Variants in CENPE observed in about 807,000 individuals in gnomAD.
CENPE encodes centromere-associated protein E.
CENPE carries 145 observed loss-of-function variants against 336.1 expected under a neutral mutation model. The observed-to-expected ratio is 0.43, with a 90% CI of 0.38 to 0.50. CENPE has a LOEUF of 0.50. CENPE is among the 20% of genes least tolerant of loss of function. The pLI is 0.00. For synonymous variants in CENPE, 1,013 were observed against 984.8 expected (o/e 1.03, Z -0.54); for missense variants, 2,719 against 3,023.3 (o/e 0.90, Z 2.36).
intron 15 of CENPE, 81 bp downstream of exon 15, chr4:103,175,879 G>A: frequency 1.2e-6 from 1 of 829,954 alleles, no homozygotes; most frequent in Non-Finnish European, 1.9e-6. Context: ...GAAATTAAAT[G>A]AGAACAAGTA....
chr4:103,142,853 C>A (rs1416278175), intron 34 of CENPE, among the ~76,000 whole-genome samples: 2 of 151,712 alleles, frequency 1.3e-5, no homozygotes, highest in African/African-American at 2.4e-5. Context: ...ACTAAAAATA[C>A]AAAAATTAGC....
chr4:103,110,263 C>T (rs113540520), intron 47 of CENPE, among the ~76,000 whole-genome samples: 47 of 152,298 alleles, frequency 3.1e-4, no homozygotes, highest in African/African-American at 1.1e-3. Context: ...CCACCCCTAA[C>T]ACCTAGATAA....
chr4:103,142,826 G>A (rs1333284504), intron 34 of CENPE, among the ~76,000 whole-genome samples: 3 of 151,836 alleles, frequency 2.0e-5, no homozygotes, highest in Non-Finnish European at 2.9e-5. Flanking sequence ...TGGTCAACAC[G>A]GTGAAACCTC....
intron 42 of CENPE, among the ~76,000 whole-genome samples, chr4:103,124,575 T>C (rs912797893): frequency 7.2e-5 from 11 of 152,218 alleles, no homozygotes; most frequent in East Asian, 5.8e-4. Flanking sequence ...TCAATGTTAA[T>C]AGGGAAAATA....
intron 9 of CENPE, among the ~76,000 whole-genome samples, chr4:103,185,306 GAA>G (rs765253352): frequency 9.6e-5 from 7 of 72,588 alleles, no homozygotes; most frequent in African/African-American, 2.0e-4. Context: ...GTCTGCCTTA[GAA>G]AAAAAAAAAA....
At chr4:103,113,690 GTATAAT>G (rs1324758704) in intron 46 of CENPE, among the ~76,000 whole-genome samples, 1 of 145,446 alleles carries the variant, frequency 6.9e-6, no homozygotes, top group Non-Finnish European at 1.5e-5. Context: ...ACTTATATAT[GTATAAT>G]AAGTGTATAT....
chr4:103,168,263 G>A (rs531752944), intron 16 of CENPE, among the ~76,000 whole-genome samples: 8 of 152,078 alleles, frequency 5.3e-5, no homozygotes, highest in Non-Finnish European at 1.0e-4. Context: ...GACTGTATTG[G>A]GAACTGCTGG....
At chr4:103,191,660 AGGGG>A (rs150896690) in intron 8 of CENPE, among the ~76,000 whole-genome samples, 1 of 72,492 alleles carries the variant, frequency 1.4e-5, no homozygotes, top group Non-Finnish European at 2.8e-5. Context: ...GGGTGGGGGG[AGGGG>A]GGGATAGCAT....
At chr4:103,121,109 C>T (rs1268709606) in intron 43 of CENPE, among the ~76,000 whole-genome samples, 1 of 152,108 alleles carries the variant, frequency 6.6e-6, no homozygotes, top group Non-Finnish European at 1.5e-5. Context: ...GTAAGTCTCC[C>T]CATCTCAGAC....
intron 16 of CENPE, 55 bp from the exon 17 acceptor site, chr4:103,163,608 C>CAAAAAA (rs11315612): frequency 6.5e-4 from 198 of 303,474 alleles, no homozygotes; most frequent in Middle Eastern, 1.6e-3. Context: ...TAAAGCAAAG[C>CAAAAAA]AAAAAAAAAA....
At chr4:103,110,482 TA>T (rs1461391372) in intron 47 of CENPE, among the ~76,000 whole-genome samples, 1 of 152,114 alleles carries the variant, frequency 6.6e-6, no homozygotes, top group African/African-American at 2.4e-5. Context: ...GTTTATAAAG[TA>T]AAAAGCCTAC....
At chr4:103,190,837 T>C (rs1757246123) in intron 8 of CENPE, among the ~76,000 whole-genome samples, 1 of 151,608 alleles carries the variant, frequency 6.6e-6, no homozygotes, top group African/African-American at 2.4e-5. Flanking sequence ...CAAAAGAAAC[T>C]ACCATCAGAG....
intron 16 of CENPE, among the ~76,000 whole-genome samples, chr4:103,171,124 C>G (rs72665085): frequency 0.16 from 24,224 of 151,954 alleles, 2,329 homozygotes; most frequent in Non-Finnish European, 0.2. Flanking sequence ...ATTATTCAGA[C>G]AGAAAATCAA....
At chr4:103,109,239 C>A in intron 47 of CENPE, 150 bp from the exon 48 acceptor site, 1 of 659,208 alleles carries the variant, frequency 1.5e-6, no homozygotes, top group Non-Finnish European at 2.3e-6. Flanking sequence ...TAATTTCAAC[C>A]TCATGCTTCC....
In CENPE at chr4:103,161,316, T is replaced by C. The variant is rs373850572; in HGVS notation, c.1965+19A>G. On this transcript the variant is annotated intron_variant, in intron 19 of 48. Transcript: ENST00000265148. The stretch of plus-strand genomic sequence containing the variant: ...ATCATTACAACTACTTTATTATAAA[T>C]ATTACAAAAAATACTTACCATTTTC... The C allele has an allele frequency of 3.1e-6, 5 of 1,605,410 alleles. No individual in the cohort carries two copies. The highest frequency in any genetic ancestry group is 1.7e-4 in the Middle Eastern group (1 of 6,012).
At chr4:103,111,314 T>A (rs1749397057) in intron 46 of CENPE, among the ~76,000 whole-genome samples, 1 of 152,206 alleles carries the variant, frequency 6.6e-6, no homozygotes, top group African/African-American at 2.4e-5. Flanking sequence ...TGCTGTCCTT[T>A]ATTGATCTAT....
Position 103,158,645 on chromosome 4 carries a change from A to G in CENPE, c.2843T>C (p.Leu948Pro). 1.2e-6 allele frequency: 2 copies of G among 1,608,310 alleles called. No individual in the cohort carries two copies. The highest frequency in any genetic ancestry group is 8.5e-7 in the Non-Finnish European group (1 of 1,178,322). The change falls in exon 23 of 49, where the codon CTC becomes CCC. Residue 948 changes from leucine (L) to proline (P), a missense_variant. Leu to Pro is a moderately conservative substitution (Grantham distance 98, BLOSUM62 -3). Transcript: ENST00000265148. Reference sequence around the variant, plus strand: ...AACAGTATCGTGAATATCACTTTTGAGTTGGTCCCTCTCAATTTGCAAGCT... The same window carrying G: ...AACAGTATCGTGAATATCACTTTTGGGTTGGTCCCTCTCAATTTGCAAGCT... ...QESLQIERDQ[L>P]KSDIHDTVNM...
intron 16 of CENPE, among the ~76,000 whole-genome samples, chr4:103,167,907 G>A (rs945646508): frequency 6.6e-6 from 1 of 152,138 alleles, no homozygotes; most frequent in Non-Finnish European, 1.5e-5. Flanking sequence ...GTCGACATTG[G>A]TCTTGGCAGT....
intron 24 of CENPE, among the ~76,000 whole-genome samples, chr4:103,157,406 C>T (rs528486000): frequency 6.6e-6 from 1 of 151,982 alleles, no homozygotes; most frequent in African/African-American, 2.4e-5. Flanking sequence ...GAAATTTACT[C>T]ATAAAAAGGA....
Sources: allele counts gnomAD v4.1 joint callset (sites outside exome capture counted in the v4.1 genomes callset), GRCh38; gene constraint gnomAD v4.1.1; transcripts MANE v1.5; gene names NCBI Gene and HGNC (gene_info 2026-07-23, HGNC 2026-07-21).